HIVEP3: variants seen among roughly 807,000 people sequenced by gnomAD.
HIVEP3 encodes the protein HIVEP zinc finger 3.
A neutral mutation model predicts 152.8 loss-of-function variants in HIVEP3; 49 were observed. The ratio of observed to expected loss-of-function variants is 0.32; its 90% CI spans 0.26 to 0.41. HIVEP3 has a LOEUF of 0.41. HIVEP3 is among the 10% of genes least tolerant of loss of function. HIVEP3 has a pLI of 1.00. For missense variants in HIVEP3, 2,790 were observed against 3,103.3 expected (o/e 0.90, Z 2.40); for synonymous variants, 1,269 against 1,289.0 (o/e 0.98, Z 0.33).
chr1:41,711,589 C>T (rs1009339655), intron 1 of HIVEP3, among the ~76,000 whole-genome samples: 6 of 152,182 alleles, frequency 3.9e-5, no homozygotes, highest in Non-Finnish European at 7.4e-5. Context: ...TTGATAACAC[C>T]GATCCTGCAT....
At chr1:41,532,356 G>T (rs1378273415) in intron 5 of HIVEP3, among the ~76,000 whole-genome samples, 1 of 152,004 alleles carries the variant, frequency 6.6e-6, no homozygotes, top group Non-Finnish European at 1.5e-5. Context: ...ACTTGGGTAG[G>T]CACCCCCCGG....
chr1:41,821,621 C>T (rs1642605443), intron 1 of HIVEP3, among the ~76,000 whole-genome samples: 1 of 152,218 alleles, frequency 6.6e-6, no homozygotes, highest in African/African-American at 2.4e-5. Context: ...AAAATCCTCT[C>T]TTCAAAATAC....
intron 1 of HIVEP3, among the ~76,000 whole-genome samples, chr1:41,730,326 C>T (rs1317974310): frequency 6.6e-6 from 1 of 152,240 alleles, no homozygotes; most frequent in Non-Finnish European, 1.5e-5. Flanking sequence ...TTGGTGTCCT[C>T]CCCTGTAGAG....
chr1:41,731,119 G>A (rs551119879), intron 1 of HIVEP3, among the ~76,000 whole-genome samples: 6 of 152,146 alleles, frequency 3.9e-5, no homozygotes, highest in East Asian at 1.9e-4. Flanking sequence ...TGTGACTGCC[G>A]GGAAAAAGGT....
chr1:41,846,395 T>C (rs1254801451), intron 1 of HIVEP3, among the ~76,000 whole-genome samples: 1 of 152,232 alleles, frequency 6.6e-6, no homozygotes, highest in African/African-American at 2.4e-5. Context: ...TTCATTCTGT[T>C]AACTCCTGTT....
chr1:41,956,675 G>A (rs983035116), intron 1 of HIVEP3, among the ~76,000 whole-genome samples: 1 of 152,202 alleles, frequency 6.6e-6, no homozygotes, highest in Non-Finnish European at 1.5e-5. Context: ...TCAGCAATGT[G>A]GAGAAGCAGC....
intron 5 of HIVEP3, among the ~76,000 whole-genome samples, chr1:41,568,281 G>A (rs1419294101): frequency 6.6e-6 from 1 of 152,252 alleles, no homozygotes; most frequent in Admixed American, 6.5e-5. Flanking sequence ...TCACTGAAGG[G>A]TGATGGAGAG....
At chr1:41,928,182 C>A (rs760834273) in intron 1 of HIVEP3, among the ~76,000 whole-genome samples, 4 of 151,678 alleles carry the variant, frequency 2.6e-5, no homozygotes, top group Non-Finnish European at 5.9e-5. Flanking sequence ...GTCAGATGAC[C>A]CTATTACAGT....
rs1648599826 is a variant in HIVEP3, at chr1:41,774,916, T to A, written c.-800-73921A>T. Among the ~76,000 whole-genome samples, 3 of 151,970 alleles carry A rather than the reference T, an allele frequency of 2.0e-5. No homozygotes were observed. The South Asian group carries it at 6.2e-4, about 31-fold the overall frequency. The stretch of plus-strand genomic sequence containing the variant: ...ACTCAAGTGATCCTCCCACCTCAGC[T>A]TCCTAAGTAGCTGGGACTACAGGCA... On this transcript the variant is annotated intron_variant, in intron 1 of 8. Transcript: ENST00000372583.
chr1:42,026,834 A>C (rs2124538534), intron 1 of HIVEP3, among the ~76,000 whole-genome samples: 3 of 152,342 alleles, frequency 2.0e-5, no homozygotes, highest in Middle Eastern at 3.4e-3. Flanking sequence ...AACTATTGCA[A>C]GCAACAGATA....
chr1:41,561,696 G>A, intron 5 of HIVEP3, among the ~76,000 whole-genome samples: 1 of 34,120 alleles, frequency 2.9e-5, no homozygotes, highest in East Asian at 6.0e-4. Context: ...TTTTTTTTTT[G>A]TAGAGACAAG....
chr1:41,538,092 C>T (rs898747916), intron 5 of HIVEP3, among the ~76,000 whole-genome samples: 1 of 152,158 alleles, frequency 6.6e-6, no homozygotes, highest in Non-Finnish European at 1.5e-5. Context: ...CAAAGTGCTA[C>T]GGATGATGAG....
chr1:41,580,826 C>T lies in HIVEP3; in HGVS notation c.3972G>A (p.Gln1324=), dbSNP rs764533136. 1 of 1,585,378 alleles carries T rather than the reference C, an allele frequency of 6.3e-7. No homozygotes were observed. Among genetic ancestry groups the T allele is most frequent in the South Asian group, 1.2e-5 (1 of 84,812 alleles). Reference sequence around the variant, plus strand: ...CGCTCCCATAGGACGGCATATTGGTCTGAACACGGACAGGCACAACCAGGG... The same window carrying T: ...CGCTCCCATAGGACGGCATATTGGTTTGAACACGGACAGGCACAACCAGGG... The part of the protein sequence containing the change: ...MVSLVVPVRV[Q]TNMPSYGSAM... The change falls in exon 4 of 9, where the codon CAG becomes CAA. Residue 1324 remains glutamine (Q), a synonymous_variant. Coordinates refer to ENST00000372583, the MANE Select transcript of HIVEP3 (RefSeq NM_024503.5).
intron 3 of HIVEP3, among the ~76,000 whole-genome samples, chr1:41,623,603 A>G (rs1308207532): frequency 1.3e-5 from 2 of 152,088 alleles, no homozygotes; most frequent in African/African-American, 2.4e-5. Flanking sequence ...CCTTGCACCC[A>G]CTGAGTGAAG....
rs114927440 is a variant in HIVEP3 at position 41,812,239 on chromosome 1, A to T, written c.-801+106174T>A. On this transcript the variant is annotated intron_variant, in intron 1 of 8. Transcript: ENST00000372583. ...CTTAACAAACACGAGGAGCACAAAC[A>T]GAAACCTCTTTCTCAGCTTGCAACG... 6.7e-3 allele frequency among the ~76,000 whole-genome samples: 1,023 copies of T among 152,284 alleles called. 1 individual carries two copies. The highest frequency in any genetic ancestry group is 0.011 in the Non-Finnish European group (769 of 68,022).
chr1:41,672,206 C>T (rs1216994237), intron 2 of HIVEP3, among the ~76,000 whole-genome samples: 1 of 152,212 alleles, frequency 6.6e-6, no homozygotes, highest in Non-Finnish European at 1.5e-5. Flanking sequence ...CCCTCCCCAC[C>T]TCCCTGGCAC....
chr1:41,749,029 C>A (rs998289027), intron 1 of HIVEP3, among the ~76,000 whole-genome samples: 1 of 152,192 alleles, frequency 6.6e-6, no homozygotes, highest in Non-Finnish European at 1.5e-5. Context: ...GATCTGCCCC[C>A]AGTCAATATA....
chr1:41,940,817 G>A (rs553654474), intron 1 of HIVEP3, among the ~76,000 whole-genome samples: 27 of 151,856 alleles, frequency 1.8e-4, no homozygotes, highest in Admixed American at 1.7e-3. Flanking sequence ...TGAAGAGAGA[G>A]GATAAAGAGA....
intron 5 of HIVEP3, among the ~76,000 whole-genome samples, chr1:41,567,424 A>C (rs1644180874): frequency 6.6e-6 from 1 of 152,208 alleles, no homozygotes; most frequent in African/African-American, 2.4e-5. Flanking sequence ...GGTATAAAGA[A>C]AAAGAGGAAA....
Sources: allele counts gnomAD v4.1 joint callset (sites outside exome capture counted in the v4.1 genomes callset), GRCh38; gene constraint gnomAD v4.1.1; transcripts MANE v1.5; gene names NCBI Gene and HGNC (gene_info 2026-07-23, HGNC 2026-07-21).